RPS2: variants seen among roughly 807,000 people sequenced by gnomAD.
RPS2 encodes the protein ribosomal protein S2, also known as small ribosomal subunit protein uS5.
RPS2 carries 8 observed loss-of-function variants against 25.3 expected under a neutral mutation model. The ratio of observed to expected loss-of-function variants is 0.32; its 90% CI spans 0.19 to 0.57. RPS2 has a LOEUF of 0.57. RPS2 is among the 20% of genes least tolerant of loss of function. The probability of loss-of-function intolerance (pLI) is 0.90; values close to 1 mark genes in which losing one functional copy is unlikely to be tolerated. For synonymous variants in RPS2, 181 were observed against 161.3 expected, an observed-to-expected ratio of 1.12 and a Z score of -0.92; for missense variants, 229 against 408.1, an observed-to-expected ratio of 0.56 and a Z score of 3.78.
chr16:1,964,246 T>A, intron 3 of RPS2, 30 bp downstream of exon 3: 1 of 1,563,582 alleles, frequency 6.4e-7, no homozygotes, highest in Non-Finnish European at 8.8e-7. Context: ...GGGGTCGCAC[T>A]TGCTCAACGC....
Position 1,964,588 on chromosome 16 carries a change from C to A in RPS2, c.38G>T (p.Gly13Val). The A allele has an allele frequency of 6.5e-7, 1 of 1,534,534 alleles. No individual in the cohort carries two copies. The highest frequency in any genetic ancestry group is 8.7e-7 in the Non-Finnish European group (1 of 1,145,038). Residue 13 changes from glycine to valine, a missense_variant, in exon 2 of 7, where the codon GGC becomes GTC. This residue lies in a region of RPS2 where 27 missense variants were observed against 26.4 expected (regional missense o/e 1.02). Coordinates refer to ENST00000343262, the MANE Select transcript of RPS2 (RefSeq NM_002952.4). ...DDAGAAGGPG[G>V]PGGPGMGNRG... ...GTTCCCCATCCCAGGGCCACCAGGG[C>A]CCCCGGGCCCCCCCGCTGCACCGGC...
rs748304237 is a variant in RPS2, at chr16:1,962,456, G to A, written c.709+41C>T. On this transcript the variant is annotated intron_variant, in intron 6 of 6. Coordinates refer to ENST00000343262, the MANE Select transcript of RPS2 (RefSeq NM_002952.4). ...CACTGGACCCGTGTGGTTAAGCGGA[G>A]CTGAGAGACCATGGCTATGCCCCAT... 5.0e-6 allele frequency: 8 copies of A among 1,589,064 alleles called. No individual in the cohort carries two copies. The East Asian group carries it at 1.6e-4, about 31-fold the overall frequency.
At chr16:1,963,882 C>T (rs1243928033) in intron 3 of RPS2, 2 of 423,890 alleles carry the variant, frequency 4.7e-6, no homozygotes, top group Non-Finnish European at 9.4e-6. Flanking sequence ...TTAGCCTTTC[C>T]CCACTGCACC....
intron 3 of RPS2, 75 bp from the exon 4 acceptor site, chr16:1,963,331 G>C: frequency 2.0e-6 from 2 of 975,626 alleles, no homozygotes; most frequent in Non-Finnish European, 3.0e-6. Flanking sequence ...AAGAACCAAA[G>C]TCACGGCCGG....
In RPS2 at chr16:1,962,152, G is replaced by C; in HGVS notation, c.828C>G (p.Thr276=). 1 of 1,592,848 alleles carries C rather than the reference G, an allele frequency of 6.3e-7. No individual in the cohort carries two copies. The stretch of plus-strand genomic sequence containing the variant: ...TCCGCTGCACGGAGACTCTGGTGTG[G>C]GTCTTGACGAGGTGGTCAGTGAACT... ...YQEFTDHLVK[T]HTRVSVQRTQ... Residue 276 remains threonine (T), a synonymous_variant, in exon 7 of 7, where the codon ACC becomes ACG. Transcript: ENST00000343262.
At position 1,964,423 on chromosome 16, in the gene RPS2, C is replaced by T. The variant is rs403609; in HGVS notation, c.177+26G>A. Reference sequence around the variant, plus strand: ...CGCTCTCCGGCGCCGCCCAGGGGCCCGACCCCGAGCGTGGCTGATACCTAC... The same window carrying T: ...CGCTCTCCGGCGCCGCCCAGGGGCCTGACCCCGAGCGTGGCTGATACCTAC... On this transcript the variant is annotated intron_variant, in intron 2 of 6. Coordinates refer to ENST00000343262, the MANE Select transcript of RPS2 (RefSeq NM_002952.4). 8 of 1,612,002 alleles carry T rather than the reference C, an allele frequency of 5.0e-6. No individual in the cohort carries two copies. The African/African-American group carries it at 1.1e-4, about 22-fold the overall frequency.
Position 1,964,294 on chromosome 16 carries a change from G to A in RPS2, c.249C>T (p.Leu83=), listed in dbSNP as rs374540278. The change falls in exon 3 of 7, where the codon CTC becomes CTT. Residue 83 remains leucine (L), a synonymous_variant. Coordinates refer to ENST00000343262, the MANE Select transcript of RPS2 (RefSeq NM_002952.4). ...MKIKSLEEIY[L]FSLPIKESEI... is the part of the protein sequence containing the mutation. Reference sequence around the variant, plus strand: ...CGCGTACCTTAATAGGCAGGGAGAAGAGATAGATCTCCTCCAGGGACTTGA... The same window carrying A: ...CGCGTACCTTAATAGGCAGGGAGAAAAGATAGATCTCCTCCAGGGACTTGA... 75 of 1,612,562 alleles carry A rather than the reference G, an allele frequency of 4.7e-5. No individual in the cohort carries two copies. In the African/African-American group the frequency reaches 8.4e-4, roughly 18 times the overall value.
chr16:1,962,982 ACC>A (rs1255824933), intron 4 of RPS2, 73 bp from the exon 5 acceptor site: 2 of 1,528,086 alleles, frequency 1.3e-6, no homozygotes, highest in African/African-American at 2.7e-5. Flanking sequence ...GGCCTGTTGC[ACC>A]CCTCAAGGAA....
chr16:1,963,422 CCTGGCCA>C (rs2083276350), intron 3 of RPS2, among the ~76,000 whole-genome samples, 166 bp from the exon 4 acceptor site: 1 of 148,082 alleles, frequency 6.8e-6, no homozygotes, highest in Middle Eastern at 3.5e-3. Flanking sequence ...CCGATACCAG[CCTGGCCA>C]CATGGTGAAA....
At chr16:1,963,028 G>T in intron 4 of RPS2, 119 bp from the exon 5 acceptor site, 2 of 1,376,506 alleles carry the variant, frequency 1.5e-6, no homozygotes, top group Non-Finnish European at 1.0e-6. Context: ...CCGAGGTCCT[G>T]AGGAGATCTT....
At chr16:1,964,718 G>A (rs1007756857) in intron 1 of RPS2, 89 bp downstream of exon 1, 3 of 742,338 alleles carry the variant, frequency 4.0e-6, no homozygotes, top group Admixed American at 3.4e-5. Flanking sequence ...CCGCCCAGGA[G>A]CGCGGACTCG....
Position 1,964,497 on chromosome 16 carries a change from G to GCCCCGT in RPS2, c.123_128dup (p.Arg48_Gly49dup). The GCCCCGT allele has an allele frequency of 6.2e-7, 1 of 1,604,236 alleles. No individual in the cohort carries two copies. Among genetic ancestry groups the GCCCCGT allele is most frequent in the Non-Finnish European group, 8.5e-7 (1 of 1,176,352 alleles). The stretch of plus-strand genomic sequence containing the variant: ...CGCGAGCTCCGCGGCCTCGGCCCCG[G>GCCCCGT]CCCCGTCCACGGCCGCGACCCCGGC... On this transcript the variant is annotated inframe_insertion, in exon 2 of 7. Coordinates refer to ENST00000343262, the MANE Select transcript of RPS2 (RefSeq NM_002952.4).
intron 3 of RPS2, chr16:1,963,981 C>T (rs1387437733): frequency 4.5e-6 from 2 of 445,168 alleles, no homozygotes; most frequent in Non-Finnish European, 8.4e-6. Context: ...TGAACTTCAT[C>T]ATCCTCTCGG....
rs564109521 is a variant in RPS2 at position 1,962,576 on chromosome 16, A to G, written c.630T>C (p.Pro210=). 1.2e-6 allele frequency: 2 copies of G among 1,611,274 alleles called. No individual in the cohort carries two copies. The highest frequency in any genetic ancestry group is 1.7e-6 in the Non-Finnish European group (2 of 1,179,512). ...RGTGIVSAPV[P]KKLLMMAGID... ...TACCAGCCATCATGAGCAGCTTCTT[A>G]GGCACAGGTGCGGAGACGATGCCAG... Residue 210 remains proline, a synonymous_variant, in exon 6 of 7, where the codon CCT becomes CCC. Transcript: ENST00000343262.
chr16:1,964,768 C>T (rs1472125827), intron 1 of RPS2, 39 bp downstream of exon 1: 19 of 556,820 alleles, frequency 3.4e-5, no homozygotes, highest in Non-Finnish European at 5.0e-5. Flanking sequence ...ATTCCCGCCG[C>T]CCACGCAGAG....
chr16:1,962,693 G>A, intron 5 of RPS2, 37 bp from the exon 6 acceptor site: 1 of 1,588,058 alleles, frequency 6.3e-7, no homozygotes, highest in South Asian at 1.1e-5. Flanking sequence ...GGGGCCCGAG[G>A]GAGCCTGCCC....
intron 5 of RPS2, 34 bp downstream of exon 5, chr16:1,962,702 C>A (rs781364909): frequency 1.9e-6 from 3 of 1,588,816 alleles, no homozygotes; most frequent in South Asian, 1.1e-5. Flanking sequence ...GGGAGCCTGC[C>A]CCACGGCAGG....
chr16:1,963,736 T>TA (rs2083280294), intron 3 of RPS2: 1 of 445,332 alleles, frequency 2.2e-6, no homozygotes, highest in Non-Finnish European at 4.5e-6. Context: ...CTCAATCGTT[T>TA]CTTCCTATTT....
At chr16:1,962,367 C>T (rs766200984) in intron 6 of RPS2, 97 bp from the exon 7 acceptor site, 62 of 1,378,570 alleles carry the variant, frequency 4.5e-5, no homozygotes, top group Middle Eastern at 1.8e-4. Flanking sequence ...AGAGGCCATT[C>T]TGGGCGGGTC....
Sources: allele counts gnomAD v4.1 joint callset (sites outside exome capture counted in the v4.1 genomes callset), GRCh38; gene constraint gnomAD v4.1.1; regional missense constraint gnomAD v4.1.1; transcripts MANE v1.5; gene names NCBI Gene and HGNC (gene_info 2026-07-23, HGNC 2026-07-21).